Variants in KIR3DL2 observed in about 807,000 individuals in gnomAD.
KIR3DL2 encodes the protein killer cell immunoglobulin-like receptor 3DL2.
A neutral mutation model predicts 41.6 loss-of-function variants in KIR3DL2; 42 were observed. The observed-to-expected ratio is 1.01, with a 90% CI of 0.79 to 1.31. KIR3DL2 has a LOEUF of 1.31. Among genes scored for constraint, KIR3DL2 ranks in the 50% most tolerant of loss-of-function variants. The pLI, the probability that KIR3DL2 is intolerant of heterozygous loss-of-function variation, is 0.00. For synonymous variants in KIR3DL2, 230 were observed against 221.3 expected (o/e 1.04, Z -0.35); for missense variants, 728 against 576.8 (o/e 1.26, Z -2.68).
intron 3 of KIR3DL2, among the ~76,000 whole-genome samples, chr19:54,853,450 A>G (rs1337100097): frequency 6.6e-6 from 1 of 151,704 alleles, no homozygotes; most frequent in South Asian, 2.1e-4. Context: ...GTCCTCTTCC[A>G]CCCCCACATA....
Position 54,866,583 on chromosome 19 carries a change from TAC to T in KIR3DL2, c.1222_1223del (p.Gln408GlufsTer27). 1 of 1,613,922 alleles carries T rather than the reference TAC, an allele frequency of 6.2e-7. No individual in the cohort carries two copies. Among genetic ancestry groups the T allele is most frequent in the Non-Finnish European group, 8.5e-7 (1 of 1,179,952 alleles). ...GCACAGTTGGATCACTGCGTTTTCA[TAC>T]AGAGAAAAATCAGTCGCCCTTCTCA... On this transcript the variant is annotated frameshift_variant, in exon 9 of 9. Transcript: ENST00000326321. LOFTEE classifies it low-confidence loss of function (END_TRUNC).
chr19:54,851,116 C>T, intron 1 of KIR3DL2, 104 bp from the exon 2 acceptor site: 1 of 1,427,482 alleles, frequency 7.0e-7, no homozygotes, highest in Non-Finnish European at 9.9e-7. Flanking sequence ...AGTTTACCTT[C>T]AGCCCAGCAA....
At position 54,854,046 on chromosome 19, in the gene KIR3DL2, G is replaced by A. The variant is rs1384615442; in HGVS notation, c.655G>A (p.Gly219Ser). The A allele has an allele frequency of 3.7e-6, 6 of 1,612,406 alleles. No individual in the cohort carries two copies. The highest frequency in any genetic ancestry group is 2.7e-5 in the African/African-American group (2 of 74,426). The change falls in exon 4 of 9, where the codon GGT (glycine) becomes AGT (serine). Residue 219 changes from glycine to serine, a missense_variant and splice_region_variant. Transcript: ENST00000326321. ...PSDPLDIVITGLYEKPSLSAQ... is the reference protein window; with the variant it reads ...PSDPLDIVITSLYEKPSLSAQ... ...TGACCCCCTGGACATCGTGATCACA[G>A]GTGAGAGTGTCCAGACATTCTTCTC...
chr19:54,863,483 G>C (rs1365427534), intron 6 of KIR3DL2, among the ~76,000 whole-genome samples: 1 of 152,064 alleles, frequency 6.6e-6, no homozygotes, highest in Non-Finnish European at 1.5e-5. Flanking sequence ...CAGTGTAAAA[G>C]TGTTCCTATT....
intron 3 of KIR3DL2, among the ~76,000 whole-genome samples, chr19:54,852,936 A>G (rs1458024387): frequency 6.6e-6 from 1 of 151,048 alleles, no homozygotes; most frequent in African/African-American, 2.5e-5. Context: ...ACCCAGGTCA[A>G]GGACAAGCTA....
chr19:54,853,701 G>T, intron 3 of KIR3DL2, 46 bp from the exon 4 acceptor site: 2 of 1,589,210 alleles, frequency 1.3e-6, no homozygotes. Context: ...CCATGGATGG[G>T]ATGATAAAGA....
intron 7 of KIR3DL2, among the ~76,000 whole-genome samples, 174 bp from the exon 8 acceptor site, chr19:54,866,196 A>T (rs1369216750): frequency 2.0e-5 from 3 of 152,080 alleles, no homozygotes; most frequent in Non-Finnish European, 2.9e-5. Context: ...GCCAATTGAG[A>T]GCACTTCATG....
chr19:54,860,418 T>C (rs963860380), intron 6 of KIR3DL2, among the ~76,000 whole-genome samples: 1 of 152,078 alleles, frequency 6.6e-6, no homozygotes, highest in African/African-American at 2.4e-5. Flanking sequence ...TCGTCCAGGC[T>C]AGAGTGCGGT....
intron 4 of KIR3DL2, 122 bp downstream of exon 4, chr19:54,854,168 T>A: frequency 8.2e-7 from 1 of 1,223,412 alleles, no homozygotes; most frequent in Admixed American, 1.7e-5. Context: ...AGAGACTGAC[T>A]CGGTGAGGTC....
intron 4 of KIR3DL2, among the ~76,000 whole-genome samples, chr19:54,854,845 A>T (rs2064608687): frequency 1.3e-5 from 2 of 151,768 alleles, no homozygotes; most frequent in South Asian, 4.1e-4. Context: ...ACAAAGACAG[A>T]GAAAGATAAA....
intron 4 of KIR3DL2, among the ~76,000 whole-genome samples, chr19:54,854,940 T>C (rs1224119764): frequency 6.6e-6 from 1 of 151,222 alleles, no homozygotes; most frequent in Non-Finnish European, 1.5e-5. Flanking sequence ...GAGAGACAGA[T>C]GATAGATGGA....
rs780597035 is a variant in KIR3DL2 at position 54,866,688 on chromosome 19, C to T, written c.1325C>T (p.Ser442Phe). Residue 442 changes from serine (S) to phenylalanine (F), a missense_variant, in exon 9 of 9, where the codon TCC becomes TTC. Transcript: ENST00000326321. ...GCTGAGCCCAGATCCAAAGTTGTCT[C>T]CTGCCCACGAGCACCACAGTCAGGT... ...PNAEPRSKVV[S>F]CPRAPQSGLE... The T allele has an allele frequency of 1.4e-5, 22 of 1,613,830 alleles. 1 individual carries two copies. The Admixed American group carries it at 2.7e-4, about 20-fold the overall frequency.
At chr19:54,856,665 CAG>C (rs1289843730) in intron 5 of KIR3DL2, among the ~76,000 whole-genome samples, 3 of 152,008 alleles carry the variant, frequency 2.0e-5, no homozygotes, top group Non-Finnish European at 4.4e-5. Flanking sequence ...GCCTGGGAGA[CAG>C]AGAGAGACTC....
At chr19:54,862,052 C>T (rs374099622) in intron 6 of KIR3DL2, among the ~76,000 whole-genome samples, 5 of 152,186 alleles carry the variant, frequency 3.3e-5, no homozygotes, top group East Asian at 3.9e-4. Context: ...AGCTCCTGCT[C>T]CCCTTTCCTA....
chr19:54,855,061 A>ATGAAGATAGAT (rs1556681190), intron 4 of KIR3DL2, among the ~76,000 whole-genome samples: 9 of 148,276 alleles, frequency 6.1e-5, no homozygotes, highest in East Asian at 2.0e-4. Context: ...GATGATGATG[A>ATGAAGATAGAT]AGATAGATAG....
intron 5 of KIR3DL2, 58 bp from the exon 6 acceptor site, chr19:54,859,021 C>A: frequency 6.5e-7 from 1 of 1,539,408 alleles, no homozygotes; most frequent in Non-Finnish European, 9.0e-7. Flanking sequence ...CAAAGATTTC[C>A]ATTGAGTAGA....
At chr19:54,854,656 C>T (rs1383058565) in intron 4 of KIR3DL2, among the ~76,000 whole-genome samples, 6 of 151,762 alleles carry the variant, frequency 4.0e-5, no homozygotes, top group African/African-American at 1.5e-4. Context: ...CACTGAGAGA[C>T]ACAGAGATAA....
intron 4 of KIR3DL2, among the ~76,000 whole-genome samples, chr19:54,855,084 TAA>T: frequency 6.6e-6 from 1 of 150,564 alleles, no homozygotes; most frequent in East Asian, 1.9e-4. Context: ...GACACATATA[TAA>T]ATATATAGAT....
intron 6 of KIR3DL2, among the ~76,000 whole-genome samples, chr19:54,861,672 T>A (rs1380338265): frequency 6.6e-6 from 1 of 151,156 alleles, no homozygotes; most frequent in African/African-American, 2.4e-5. Context: ...AAAAAATACA[T>A]AAATATAATA....
Sources: gnomAD v4.1 joint callset for allele counts (sites outside exome capture counted in the v4.1 genomes callset) on GRCh38, gnomAD v4.1.1 for gene constraint, MANE v1.5 for transcripts, NCBI Gene and HGNC (gene_info 2026-07-23, HGNC 2026-07-21) for gene names.